The following GOLGB1 variants were observed in gnomAD, a reference collection of about 807,000 sequenced individuals.
The protein encoded by GOLGB1 is golgin B1.
A neutral mutation model predicts 336.9 loss-of-function variants in GOLGB1; 174 were observed. The ratio of observed to expected loss-of-function variants is 0.52; its 90% CI spans 0.46 to 0.59. The LOEUF (loss-of-function observed/expected upper bound fraction) is 0.59. Ranked by LOEUF, GOLGB1 falls within the 20% of genes least tolerant of loss-of-function variation. The probability of loss-of-function intolerance (pLI) is 0.00; values close to 1 mark genes in which losing one functional copy is unlikely to be tolerated. For missense variants in GOLGB1, 3,331 were observed against 3,645.3 expected (o/e 0.91, Z 2.22); for synonymous variants, 1,208 against 1,289.2 (o/e 0.94, Z 1.35).
Position 121,690,687 on chromosome 3 carries a change from T to C in GOLGB1, c.8677A>G (p.Asn2893Asp). 1 of 1,507,632 alleles carries C rather than the reference T, an allele frequency of 6.6e-7. No individual in the cohort carries two copies. The highest frequency in any genetic ancestry group is 1.4e-5 in the South Asian group (1 of 73,026). 93.4% of individuals were successfully genotyped at this position (1,507,632 alleles called of 1,614,324 possible). A position where few individuals can be genotyped will look rare whatever the true frequency, so the allele number is the denominator to read the frequency against. ...SLKKAMSSLQ[N>D]DRDRLLKELK... ...CTACTCACTAGTCTGTCTCTGTCAT[T>C]TTGGAGTGAAGACATAGCTTTTTTT... is the stretch of plus-strand genomic sequence containing the variant. The change falls in exon 14 of 22, where the codon AAT (asparagine) becomes GAT (aspartate). Residue 2893 changes from asparagine (N) to aspartate (D), a missense_variant. Physicochemically the swap from Asn to Asp is conservative, Grantham distance 23. Transcript: ENST00000614479.
rs1018030032 is a variant in GOLGB1 at position 121,691,500 on chromosome 3, G to T, written c.7864C>A (p.Gln2622Lys). The T allele has an allele frequency of 9.9e-6, 16 of 1,612,034 alleles. No homozygotes were observed. Among genetic ancestry groups the T allele is most frequent in the Non-Finnish European group, 1.3e-5 (15 of 1,179,428 alleles). The change falls in exon 14 of 22, where the codon CAA becomes AAA. Residue 2622 changes from glutamine (Q) to lysine (K), a missense_variant. By Grantham distance (53) the Gln-to-Lys change is moderately conservative. Coordinates refer to ENST00000614479, the MANE Select transcript of GOLGB1 (RefSeq NM_001366282.2). Reference protein sequence around the residue: ...LKVSISQLTRQVTALQEEGTL... With the variant: ...LKVSISQLTRKVTALQEEGTL... Reference sequence around the variant, plus strand: ...CCTTCTTCTTGCAAGGCTGTTACTTGTCTTGTTAGCTGGGATATAGATACT... The same window carrying T: ...CCTTCTTCTTGCAAGGCTGTTACTTTTCTTGTTAGCTGGGATATAGATACT...
intron 1 of GOLGB1, among the ~76,000 whole-genome samples, chr3:121,737,479 C>T (rs568610525): frequency 5.9e-5 from 9 of 151,328 alleles, no homozygotes; most frequent in Non-Finnish European, 1.0e-4. Flanking sequence ...GGTGAAATCC[C>T]GTCTCTACTA....
intron 1 of GOLGB1, among the ~76,000 whole-genome samples, chr3:121,733,426 G>A (rs141731459): frequency 6.6e-6 from 1 of 152,046 alleles, no homozygotes; most frequent in East Asian, 1.9e-4. Context: ...CAAAATATAT[G>A]CAGAATTTGC....
chr3:121,692,180 C>A lies in GOLGB1; in HGVS notation c.7184G>T (p.Gly2395Val), dbSNP rs754180819. 1.3e-5 allele frequency: 21 copies of A among 1,603,968 alleles called. No homozygotes were observed. The highest frequency in any genetic ancestry group is 1.7e-5 in the Non-Finnish European group (20 of 1,177,316). Residue 2395 changes from glycine (G) to valine (V), a missense_variant, in exon 14 of 22, where the codon GGC (glycine) becomes GTC (valine). Coordinates refer to ENST00000614479, the MANE Select transcript of GOLGB1 (RefSeq NM_001366282.2). ...KEQKIISLLS[G>V]KEEAIQVAIA... Reference sequence around the variant, plus strand: ...AGCTACTTGGATTGCCTCTTCCTTGCCAGAAAGCAGGCTTATAATCTTTTG... The same window carrying A: ...AGCTACTTGGATTGCCTCTTCCTTGACAGAAAGCAGGCTTATAATCTTTTG...
intron 14 of GOLGB1, among the ~76,000 whole-genome samples, chr3:121,689,053 G>C (rs1417110145): frequency 1.3e-5 from 2 of 150,244 alleles, no homozygotes; most frequent in South Asian, 2.1e-4. Flanking sequence ...CGCCCCGTCC[G>C]GGAGGGAGGT....
At chr3:121,673,695 CTAT>C (rs772032829) in intron 17 of GOLGB1, among the ~76,000 whole-genome samples, 12 of 146,786 alleles carry the variant, frequency 8.2e-5, no homozygotes, top group South Asian at 4.2e-4. Flanking sequence ...TGCTATCTAT[CTAT>C]CTATCTATCT....
intron 1 of GOLGB1, chr3:121,748,951 A>G (rs2108478654): frequency 1.0e-6 from 1 of 984,278 alleles, no homozygotes; most frequent in Non-Finnish European, 1.2e-6. Flanking sequence ...CCATCAAACC[A>G]AGTTATTTTT....
chr3:121,665,719 G>T (rs527765762), intron 20 of GOLGB1, among the ~76,000 whole-genome samples: 3 of 152,192 alleles, frequency 2.0e-5, no homozygotes, highest in Admixed American at 6.5e-5. Flanking sequence ...AACACAGCAC[G>T]TTTGATCAAG....
intron 1 of GOLGB1, among the ~76,000 whole-genome samples, chr3:121,736,903 C>CTAAA (rs142555128): frequency 0.1 from 15,160 of 151,682 alleles, 817 homozygotes; most frequent in South Asian, 0.16. Flanking sequence ...GACCCTGCCT[C>CTAAA]TAAATAAATA....
chr3:121,702,041 C>T (rs1234296573), intron 11 of GOLGB1, among the ~76,000 whole-genome samples: 1 of 152,068 alleles, frequency 6.6e-6, no homozygotes, highest in African/African-American at 2.4e-5. Flanking sequence ...AAGCAGGGTA[C>T]AGCACGAGCA....
intron 5 of GOLGB1, among the ~76,000 whole-genome samples, chr3:121,723,151 T>A (rs1945314947): frequency 6.6e-6 from 1 of 152,260 alleles, no homozygotes; most frequent in South Asian, 2.1e-4. Context: ...AAAATGGGTC[T>A]GATAGAAAAG....
chr3:121,693,350 T>A (rs1189868378), intron 13 of GOLGB1, among the ~76,000 whole-genome samples: 1 of 152,010 alleles, frequency 6.6e-6, no homozygotes, highest in East Asian at 1.9e-4. Flanking sequence ...TAGCTGGGCG[T>A]GTTGGTAGGC....
At position 121,695,706 on chromosome 3, in the gene GOLGB1, C is replaced by A; in HGVS notation, c.4817G>T (p.Ser1606Ile). The part of the protein sequence containing the change: ...ESLKSSKIAE[S>I]TEWQEKHKEL... ...CTTGTGTTTCTCTTGCCACTCAGTA[C>A]TTTCTGCAATCTTAGAAGATTTCAA... Residue 1606 changes from serine to isoleucine, a missense_variant, in exon 13 of 22, where the codon AGT (serine) becomes ATT (isoleucine). Ser to Ile is a moderately radical substitution (Grantham distance 142). Transcript: ENST00000614479. 1 of 1,611,636 alleles carries A rather than the reference C, an allele frequency of 6.2e-7. No homozygotes were observed.
At chr3:121,749,234 G>A (rs1484393294) in intron 1 of GOLGB1, 1 of 152,382 alleles carries the variant, frequency 6.6e-6, no homozygotes, top group African/African-American at 2.4e-5. Context: ...CAGGGGCCCA[G>A]CAGGTTCTTT....
At chr3:121,731,247 A>G (rs1285216678) in intron 1 of GOLGB1, among the ~76,000 whole-genome samples, 1 of 152,254 alleles carries the variant, frequency 6.6e-6, no homozygotes, top group Non-Finnish European at 1.5e-5. Flanking sequence ...ATCGTTAAAC[A>G]TTAATACAAT....
intron 14 of GOLGB1, among the ~76,000 whole-genome samples, chr3:121,685,663 G>A (rs1370390928): frequency 6.6e-6 from 1 of 152,092 alleles, no homozygotes; most frequent in Non-Finnish European, 1.5e-5. Flanking sequence ...ATCAATAGTT[G>A]ATGCAACAAA....
At chr3:121,738,377 T>C (rs1946629250) in intron 1 of GOLGB1, among the ~76,000 whole-genome samples, 2 of 152,194 alleles carry the variant, frequency 1.3e-5, no homozygotes, top group South Asian at 4.1e-4. Flanking sequence ...AAAAGATCCA[T>C]GGACAGCCTT....
rs1315858629 is a variant in GOLGB1 at position 121,663,966 on chromosome 3, C to G, written c.*514G>C. 1 of 156,722 alleles carries G rather than the reference C, an allele frequency of 6.4e-6. No individual in the cohort carries two copies. The highest frequency in any genetic ancestry group is 1.4e-5 in the Non-Finnish European group (1 of 70,528). The allele number at this position is 156,722 out of a possible 1,614,324, so 9.7% of individuals were successfully genotyped here. On this transcript the variant is annotated 3_prime_UTR_variant, in exon 22 of 22. Coordinates refer to ENST00000614479, the MANE Select transcript of GOLGB1 (RefSeq NM_001366282.2). Reference sequence around the variant, plus strand: ...CTTCAGCTTTCACCACCCTATTCTGCAAGAGACCTAAATCAGATGTCCTAT... The same window carrying G: ...CTTCAGCTTTCACCACCCTATTCTGGAAGAGACCTAAATCAGATGTCCTAT...
In GOLGB1 at chr3:121,701,057, A is replaced by T. The variant is rs138850314; in HGVS notation, c.1520-1172T>A. 3.9e-5 allele frequency among the ~76,000 whole-genome samples: 6 copies of T among 152,286 alleles called. No homozygotes were observed. The East Asian group carries it at 1.2e-3, about 29-fold the overall frequency. On this transcript the variant is annotated intron_variant, in intron 11 of 21. Transcript: ENST00000614479. Reference sequence around the variant, plus strand: ...GGAATTCAAGACAGTATATATGTTCAGACATTTCACAAGATTACTTGAAAA... The same window carrying T: ...GGAATTCAAGACAGTATATATGTTCTGACATTTCACAAGATTACTTGAAAA...
Sources: allele counts gnomAD v4.1 joint callset (sites outside exome capture counted in the v4.1 genomes callset), GRCh38; gene constraint gnomAD v4.1.1; transcripts MANE v1.5; gene names NCBI Gene and HGNC (gene_info 2026-07-23, HGNC 2026-07-21).